Variants in MDN1 observed in about 807,000 individuals in gnomAD.
The protein encoded by MDN1 is midasin.
A neutral mutation model predicts 669.2 loss-of-function variants in MDN1; 266 were observed. The ratio of observed to expected loss-of-function variants is 0.40; its 90% CI spans 0.36 to 0.44. The LOEUF is 0.44. MDN1 is among the 20% of genes least tolerant of loss of function. The pLI, the probability that MDN1 is intolerant of heterozygous loss-of-function variation, is 1.00. For missense variants in MDN1, 5,940 were observed against 6,754.0 expected (o/e 0.88, Z 4.22); for synonymous variants, 2,385 against 2,457.1 (o/e 0.97, Z 0.87).
chr6:89,696,724 G>A, intron 59 of MDN1, 150 bp from the exon 60 acceptor site: 1 of 617,934 alleles, frequency 1.6e-6, no homozygotes, highest in Non-Finnish European at 2.9e-6. Context: ...GGACAGAACA[G>A]GTTAGTATAC....
rs923566111 is a variant in MDN1, at chr6:89,789,895, T to C, written c.1115A>G (p.Tyr372Cys). The C allele has an allele frequency of 2.6e-5, 42 of 1,611,100 alleles. No homozygotes were observed. The highest frequency in any genetic ancestry group is 3.3e-5 in the Non-Finnish European group (39 of 1,179,296). Residue 372 changes from tyrosine to cysteine, a missense_variant, in exon 7 of 102, where the codon TAT becomes TGT. Tyr to Cys is a radical substitution (Grantham distance 194). This residue lies in a region of MDN1 where 1,203 missense variants were observed against 1,268.9 expected (regional missense o/e 0.95). Transcript: ENST00000369393. ...QTDSKMLLGM[Y>C]RCTDVPGEFV... The stretch of plus-strand genomic sequence containing the variant: ...CTCTCCAGGAACATCTGTGCAGCGA[T>C]ACATCCCCAAAAGCATCTGCAGAAA...
chr6:89,677,840 A>C, intron 75 of MDN1, 144 bp from the exon 76 acceptor site: 1 of 1,017,422 alleles, frequency 9.8e-7, no homozygotes, highest in South Asian at 1.6e-5. Flanking sequence ...GGCTGCACCC[A>C]CACCAACTGA....
chr6:89,748,711 T>C (rs1417439667), intron 26 of MDN1, among the ~76,000 whole-genome samples: 1 of 149,092 alleles, frequency 6.7e-6, no homozygotes, highest in Non-Finnish European at 1.5e-5. Context: ...GTAAAATTGT[T>C]GATTGATTAA....
In MDN1 at chr6:89,653,148, A is replaced by G. The variant is rs1300966162; in HGVS notation, c.15669T>C (p.Asp5223=). The change falls in exon 94 of 102, where the codon GAT becomes GAC. Residue 5223 remains aspartate, a synonymous_variant. Coordinates refer to ENST00000369393, the MANE Select transcript of MDN1 (RefSeq NM_014611.3). Reference sequence around the variant, plus strand: ...CAGTTTGGATCTCCACTTCCATCTCATCAAAGCCTATTTTCATTTAAGGAC... The same window carrying G: ...CAGTTTGGATCTCCACTTCCATCTCGTCAAAGCCTATTTTCATTTAAGGAC... ...KSGTTAPLGF[D]EMEVEIQTVK... 5.0e-6 allele frequency: 8 copies of G among 1,608,140 alleles called. No homozygotes were observed. Among genetic ancestry groups the G allele is most frequent in the Non-Finnish European group, 6.8e-6 (8 of 1,178,544 alleles).
Position 89,678,618 on chromosome 6 carries a change from A to G in MDN1, c.12393T>C (p.Phe4131=). ...MQKQRALSDL[F]KHLAKIGLSY... is the part of the protein sequence containing the mutation. ...CCTTACCAATTTTTGCAAGGTGTTT[A>G]AAGAGGTCTGACAAAGCTCGCTGTT... The change falls in exon 75 of 102, where the codon TTT becomes TTC. Residue 4131 remains phenylalanine (F), a synonymous_variant. Transcript: ENST00000369393. 1 of 1,614,034 alleles carries G rather than the reference A, an allele frequency of 6.2e-7. No homozygotes were observed. The highest frequency in any genetic ancestry group is 8.5e-7 in the Non-Finnish European group (1 of 1,179,972).
rs930904831 is a variant in MDN1, at chr6:89,784,897, C to T, written c.1449+115G>A. The T allele has an allele frequency of 2.2e-5, 15 of 690,650 alleles. No individual in the cohort carries two copies. The South Asian group carries it at 2.8e-4, about 13-fold the overall frequency. 42.8% of individuals were successfully genotyped at this position (690,650 alleles called of 1,614,324 possible). ...AAGCAAATACAGTAAAATACTAGCA[C>T]ACAGACTGCAAAATTTAGGTTGATG... On this transcript the variant is annotated intron_variant, in intron 9 of 101. Coordinates refer to ENST00000369393, the MANE Select transcript of MDN1 (RefSeq NM_014611.3).
rs1439669511 is a variant in MDN1, at chr6:89,710,780, G to C, written c.7666C>G (p.His2556Asp). 1 of 1,598,152 alleles carries C rather than the reference G, an allele frequency of 6.3e-7. No homozygotes were observed. The highest frequency in any genetic ancestry group is 8.5e-7 in the Non-Finnish European group (1 of 1,170,356). The part of the protein sequence containing the change: ...IPQGLESIQI[H>D]LEASAASLRN... The stretch of plus-strand genomic sequence containing the variant: ...AGAGATGCAGCACTGGCTTCCAAAT[G>C]AATTTGTATGGACTCTGTGGAGGAA... Residue 2556 changes from histidine to aspartate, a missense_variant, in exon 50 of 102, where the codon CAT (histidine) becomes GAT (aspartate). Transcript: ENST00000369393.
At chr6:89,796,860 G>C (rs9362688) in intron 2 of MDN1, among the ~76,000 whole-genome samples, 27,210 of 151,080 alleles carry the variant, frequency 0.18, 2,493 homozygotes, top group East Asian at 0.22. Context: ...CCTGAGGTCG[G>C]GAGTTCGAGA....
Position 89,794,201 on chromosome 6 carries a change from T to A in MDN1, c.561A>T (p.Thr187=), listed in dbSNP as rs1160618723. 1 of 1,564,592 alleles carries A rather than the reference T, an allele frequency of 6.4e-7. No individual in the cohort carries two copies. The highest frequency in any genetic ancestry group is 1.4e-5 in the African/African-American group (1 of 72,560). Residue 187 remains threonine (T), a synonymous_variant, in exon 4 of 102, where the codon ACA becomes ACT. Coordinates refer to ENST00000369393, the MANE Select transcript of MDN1 (RefSeq NM_014611.3). ...AGGTAACCAAAGCAAGACAATTGGCTGTATACCTAGGGAAAAAGAAAGTAT... is the reference window on the plus strand; with the variant it reads ...AGGTAACCAAAGCAAGACAATTGGCAGTATACCTAGGGAAAAAGAAAGTAT... ...RSHDTLVRWY[T]ANCLALVTCM... is the part of the protein sequence containing the mutation.
Position 89,688,640 on chromosome 6 carries a change from A to G in MDN1, c.11192T>C (p.Leu3731Pro). The G allele has an allele frequency of 6.2e-7, 1 of 1,614,150 alleles. No homozygotes were observed. The highest frequency in any genetic ancestry group is 8.5e-7 in the Non-Finnish European group (1 of 1,180,014). ...VPEARQCQPV[L>P]QGFSEAVSHL... ...ACTGACAGCCTCTGAGAAACCTTGA[A>G]GCACAGGTTGACACTGCCGTGCTTC... The change falls in exon 66 of 102, where the codon CTT becomes CCT. Residue 3731 changes from leucine to proline, a missense_variant. This residue lies in a region of MDN1 where 2,280 missense variants were observed against 2,576.3 expected (regional missense o/e 0.88). Coordinates refer to ENST00000369393, the MANE Select transcript of MDN1 (RefSeq NM_014611.3).
intron 84 of MDN1, among the ~76,000 whole-genome samples, chr6:89,666,523 G>A (rs1413862853): frequency 1.3e-5 from 2 of 152,154 alleles, no homozygotes; most frequent in Non-Finnish European, 2.9e-5. Context: ...TATAGAGACA[G>A]TGTCTCCCTA....
chr6:89,749,560 G>T lies in MDN1; in HGVS notation c.3598C>A (p.Leu1200Ile), dbSNP rs138096279. The change falls in exon 25 of 102, where the codon CTT (leucine) becomes ATT (isoleucine). Residue 1200 changes from leucine (L) to isoleucine (I), a missense_variant. Physicochemically the swap from Leu to Ile is conservative, Grantham distance 5 (BLOSUM62 2). This residue lies in a region of MDN1 where 2,292 missense variants were observed against 2,638.3 expected (regional missense o/e 0.87). Coordinates refer to ENST00000369393, the MANE Select transcript of MDN1 (RefSeq NM_014611.3). ...MLFATQNPPG[L>I]YGGRKVLSRA... Reference sequence around the variant, plus strand: ...CTACATACCTTTCTGCCTCCATAAAGTCCTGGGGGATTTTGGGTGGCAAAA... The same window carrying T: ...CTACATACCTTTCTGCCTCCATAAATTCCTGGGGGATTTTGGGTGGCAAAA... 11 of 1,614,054 alleles carry T rather than the reference G, an allele frequency of 6.8e-6. No individual in the cohort carries two copies. The African/African-American group carries it at 1.5e-4, about 22-fold the overall frequency.
chr6:89,771,434 C>T, intron 15 of MDN1, 127 bp downstream of exon 15: 1 of 781,158 alleles, frequency 1.3e-6, no homozygotes. Context: ...AAAGCCTTAT[C>T]TGAGAAAACT....
Position 89,750,456 on chromosome 6 carries a change from C to G in MDN1, c.3304G>C (p.Gly1102Arg). Reference sequence around the variant, plus strand: ...TTATTAATACGCACACAGTGGTTGCCAGTAGCTGCAGCCAGCCACTGGATC... The same window carrying G: ...TTATTAATACGCACACAGTGGTTGCGAGTAGCTGCAGCCAGCCACTGGATC... Reference protein sequence around the residue: ...SLIQWLAAATGNHCVRINNHE... With the variant: ...SLIQWLAAATRNHCVRINNHE... Residue 1102 changes from glycine to arginine, a missense_variant, in exon 24 of 102, where the codon GGC becomes CGC. This residue lies in a region of MDN1 where 2,292 missense variants were observed against 2,638.3 expected (regional missense o/e 0.87). Transcript: ENST00000369393. 2 of 1,614,018 alleles carry G rather than the reference C, an allele frequency of 1.2e-6. No individual in the cohort carries two copies. The highest frequency in any genetic ancestry group is 8.5e-7 in the Non-Finnish European group (1 of 1,179,934).
chr6:89,670,896 T>C (rs757157879), intron 83 of MDN1, 23 bp downstream of exon 83: 1 of 1,608,206 alleles, frequency 6.2e-7, no homozygotes, highest in Non-Finnish European at 8.5e-7. Context: ...CTGCTCACAG[T>C]GCACCATGTG....
chr6:89,676,566 C>G (rs774285060), intron 76 of MDN1, among the ~76,000 whole-genome samples: 3 of 152,092 alleles, frequency 2.0e-5, no homozygotes, highest in African/African-American at 7.2e-5. Flanking sequence ...CTGACCTCAA[C>G]GTGGGGAAGA....
Position 89,722,991 on chromosome 6 carries a change from A to G in MDN1, c.5931T>C (p.Tyr1977=). The G allele has an allele frequency of 6.2e-7, 1 of 1,613,930 alleles. No individual in the cohort carries two copies. The highest frequency in any genetic ancestry group is 8.5e-7 in the Non-Finnish European group (1 of 1,179,912). The change falls in exon 40 of 102, where the codon TAT becomes TAC. Residue 1977 remains tyrosine, a synonymous_variant. Transcript: ENST00000369393. ...YDPGQHVFLV[Y]GERMRTEEDK... ...CCTCTTCGGTTCTCATTCTTTCACC[A>G]TAGACCAAAAACACATGCTGACCAG...
chr6:89,756,568 A>C lies in MDN1; in HGVS notation c.2703-178T>G, dbSNP rs550751829. ...AAAGGATAATGTAACCATTACCAAA[A>C]ATATACCATTATTGCTTCTTCTATG... On this transcript the variant is annotated intron_variant, in intron 19 of 101. Transcript: ENST00000369393. Among the ~76,000 whole-genome samples the C allele has an allele frequency of 5.3e-5, 8 of 152,354 alleles. No homozygotes were observed. In the East Asian group the frequency reaches 1.5e-3, roughly 29 times the overall value.
At position 89,695,805 on chromosome 6, in the gene MDN1, T is replaced by G; in HGVS notation, c.9571A>C (p.Lys3191Gln). ...GDMAGQEVLP[K>Q]ELLCQLLTSL... The stretch of plus-strand genomic sequence containing the variant: ...GTGAGCAACTGGCAGAGCAGTTCCT[T>G]GGGCAGCACCTCCTGACCAGCCATG... Residue 3191 changes from lysine (K) to glutamine (Q), a missense_variant, in exon 61 of 102, where the codon AAG becomes CAG. Lys to Gln is a moderately conservative substitution (Grantham distance 53, BLOSUM62 1). This residue lies in a region of MDN1 where 2,292 missense variants were observed against 2,638.3 expected (regional missense o/e 0.87). Transcript: ENST00000369393. This position sits in a 1 kb window ranked among gnomAD's most constrained non-coding sequence, Gnocchi z 4.1. 6.2e-7 allele frequency: 1 copy of G among 1,613,762 alleles called. No homozygotes were observed. Among genetic ancestry groups the G allele is most frequent in the Non-Finnish European group, 8.5e-7 (1 of 1,180,020 alleles).
Sources: allele counts gnomAD v4.1 joint callset (sites outside exome capture counted in the v4.1 genomes callset), GRCh38; gene constraint gnomAD v4.1.1; regional missense constraint gnomAD v4.1.1; non-coding constraint Gnocchi (gnomAD v3.1); transcripts MANE v1.5; gene names NCBI Gene and HGNC (gene_info 2026-07-23, HGNC 2026-07-21).